GNB1: variants seen among roughly 807,000 people sequenced by gnomAD.
The protein encoded by GNB1 is guanine nucleotide-binding protein G(I)/G(S)/G(T) subunit beta-1.
Under a neutral mutation model 42.9 loss-of-function variants are expected in GNB1, and 2 were observed. The ratio of observed to expected loss-of-function variants is 0.05; its 90% CI spans 0.02 to 0.15. The LOEUF (loss-of-function observed/expected upper bound fraction) is 0.15. Among genes scored for constraint, GNB1 ranks in the 10% least tolerant of loss-of-function variants. The pLI is 1.00. For missense variants in GNB1, 193 were observed against 462.2 expected (o/e 0.42, Z 5.34); for synonymous variants, 183 against 174.7 (o/e 1.05, Z -0.38).
At chr1:1,846,785 C>T (rs1647693354) in intron 1 of GNB1, among the ~76,000 whole-genome samples, 1 of 152,124 alleles carries the variant, frequency 6.6e-6, no homozygotes, top group African/African-American at 2.4e-5. Flanking sequence ...GTCTTCAACT[C>T]CTGGTCTCAA....
At chr1:1,819,182 T>C in intron 3 of GNB1, among the ~76,000 whole-genome samples, 1 of 152,126 alleles carries the variant, frequency 6.6e-6, no homozygotes, top group South Asian at 2.1e-4. Context: ...GCTAACAGGT[T>C]TAAAGTTTGA....
intron 1 of GNB1, among the ~76,000 whole-genome samples, chr1:1,884,998 A>G (rs1471256723): frequency 6.6e-6 from 1 of 152,030 alleles, no homozygotes. Flanking sequence ...TCCAATTCTA[A>G]CAGGTGAATG....
chr1:1,798,547 G>T (rs1343302983), intron 7 of GNB1, among the ~76,000 whole-genome samples: 1 of 152,156 alleles, frequency 6.6e-6, no homozygotes, highest in Non-Finnish European at 1.5e-5. Flanking sequence ...TGTATCTGTA[G>T]CCATCTTGAT....
In GNB1 at chr1:1,793,271, G is replaced by T. The variant is rs747239027; in HGVS notation, c.471C>A (p.Ile157=). The T allele has an allele frequency of 3.0e-5, 48 of 1,612,938 alleles. No individual in the cohort carries two copies. Among genetic ancestry groups the T allele is most frequent in the Non-Finnish European group, 3.8e-5 (45 of 1,179,342 alleles). Residue 157 remains isoleucine, a synonymous_variant, in exon 8 of 12, where the codon ATC becomes ATA. Coordinates refer to ENST00000378609, the MANE Select transcript of GNB1 (RefSeq NM_002074.5). ...SCCRFLDDNQ[I]VTSSGDTTCA... is the part of the protein sequence containing the mutation. ...ACGTGGTGTCTCCAGAGCTGGTGAC[G>T]ATCTGATTGTCATCCAGGAATCGGC... is the stretch of plus-strand genomic sequence containing the variant.
chr1:1,790,248 G>T lies in GNB1; in HGVS notation c.699+147C>A. On this transcript the variant is annotated intron_variant, in intron 9 of 11. Transcript: ENST00000378609. The surrounding 1 kb of genome is among the most constrained non-coding windows in gnomAD (Gnocchi z 5.4). ...GGTCAACACAGAGAAGTTTCCCATC[G>T]GGAGTTTTCTGTATCCCCATCTGTA... The T allele has an allele frequency of 1.6e-6, 1 of 626,996 alleles. No individual in the cohort carries two copies. Among genetic ancestry groups the T allele is most frequent in the Non-Finnish European group, 2.8e-6 (1 of 351,892 alleles). 38.8% of individuals were successfully genotyped at this position (626,996 alleles called of 1,614,324 possible).
chr1:1,818,740 G>A (rs1646891054), intron 3 of GNB1, among the ~76,000 whole-genome samples: 1 of 152,124 alleles, frequency 6.6e-6, no homozygotes, highest in Admixed American at 6.6e-5. Flanking sequence ...GCGCACGCCT[G>A]TAATCCCAGC....
intron 1 of GNB1, among the ~76,000 whole-genome samples, chr1:1,849,399 A>T (rs892341986): frequency 4.6e-5 from 7 of 152,228 alleles, no homozygotes; most frequent in African/African-American, 1.4e-4. Flanking sequence ...CAAACCCCAC[A>T]ACTTTTGTCT....
At chr1:1,884,744 G>A (rs990739430) in intron 1 of GNB1, among the ~76,000 whole-genome samples, 17 of 151,250 alleles carry the variant, frequency 1.1e-4, no homozygotes, top group South Asian at 4.2e-4. Context: ...GTGCAGTGGC[G>A]CGATCTCCAC....
intron 5 of GNB1, among the ~76,000 whole-genome samples, chr1:1,811,070 C>T (rs1311388280): frequency 5.9e-5 from 3 of 50,428 alleles, no homozygotes; most frequent in East Asian, 6.8e-4. Context: ...TATATATATA[C>T]ATATATATAT....
chr1:1,830,565 T>TA (rs1444933134), intron 2 of GNB1, among the ~76,000 whole-genome samples: 2 of 151,952 alleles, frequency 1.3e-5, no homozygotes, highest in Non-Finnish European at 2.9e-5. Flanking sequence ...TTACATTTTT[T>TA]AAAAAAAATT....
chr1:1,826,764 T>C (rs1647005049), intron 2 of GNB1, among the ~76,000 whole-genome samples: 1 of 152,210 alleles, frequency 6.6e-6, no homozygotes, highest in South Asian at 2.1e-4. Flanking sequence ...CTACTCACGT[T>C]AGACAATATT....
chr1:1,888,267 G>C (rs929186806), intron 1 of GNB1, among the ~76,000 whole-genome samples: 1 of 151,128 alleles, frequency 6.6e-6, no homozygotes, highest in African/African-American at 2.4e-5. Context: ...TCCCGCAGAA[G>C]ATAAAATGTC....
At chr1:1,847,618 T>C (rs1647739977) in intron 1 of GNB1, among the ~76,000 whole-genome samples, 1 of 152,196 alleles carries the variant, frequency 6.6e-6, no homozygotes, top group South Asian at 2.1e-4. Context: ...GGAAGGATTA[T>C]CCTGCTGAAG....
At chr1:1,840,463 G>A (rs1483307183) in intron 1 of GNB1, among the ~76,000 whole-genome samples, 1 of 152,252 alleles carries the variant, frequency 6.6e-6, no homozygotes, top group African/African-American at 2.4e-5. Context: ...AGGAGGCGGA[G>A]ATTGCAGTGA....
intron 1 of GNB1, among the ~76,000 whole-genome samples, chr1:1,857,420 A>C (rs576890681): frequency 7.9e-5 from 12 of 152,306 alleles, no homozygotes; most frequent in African/African-American, 2.9e-4. Context: ...CTAGGATTCT[A>C]AATCACAGCA....
At chr1:1,819,903 T>C (rs575153913) in intron 3 of GNB1, among the ~76,000 whole-genome samples, 1 of 152,292 alleles carries the variant, frequency 6.6e-6, no homozygotes. Flanking sequence ...ACTTTCAAAA[T>C]GGCAAATGGC....
At chr1:1,806,121 T>TAA (rs1646692713) in intron 6 of GNB1, among the ~76,000 whole-genome samples, 1 of 152,220 alleles carries the variant, frequency 6.6e-6, no homozygotes, top group Non-Finnish European at 1.5e-5. Flanking sequence ...TAAAAACTTG[T>TAA]AACTGAATGA....
chr1:1,814,923 TA>T (rs1646831703), intron 5 of GNB1, among the ~76,000 whole-genome samples: 1 of 151,176 alleles, frequency 6.6e-6, no homozygotes, highest in Non-Finnish European at 1.5e-5. Context: ...CCATCCTGGC[TA>T]ACATGGTGAA....
chr1:1,841,103 T>G (rs1647229782), intron 1 of GNB1, among the ~76,000 whole-genome samples: 1 of 152,024 alleles, frequency 6.6e-6, no homozygotes, highest in Non-Finnish European at 1.5e-5. Context: ...TATTGGTCAG[T>G]ATGGTCTCGA....
Sources: allele counts gnomAD v4.1 joint callset (sites outside exome capture counted in the v4.1 genomes callset), GRCh38; gene constraint gnomAD v4.1.1; non-coding constraint Gnocchi (gnomAD v3.1); transcripts MANE v1.5; gene names NCBI Gene and HGNC (gene_info 2026-07-23, HGNC 2026-07-21).